The following ACER3 variants were observed in gnomAD, a reference collection of about 807,000 sequenced individuals.
ACER3 encodes alkCDase 3.
A neutral mutation model predicts 48.9 loss-of-function variants in ACER3; 16 were observed. The ratio of observed to expected loss-of-function variants is 0.33; its 90% CI spans 0.22 to 0.50. The LOEUF (loss-of-function observed/expected upper bound fraction) is 0.50, where lower values mean the gene tolerates loss of function less well. Ranked by LOEUF, ACER3 falls within the 20% of genes least tolerant of loss-of-function variation. The pLI is 0.98. For synonymous variants in ACER3, 109 were observed against 107.8 expected (o/e 1.01, Z -0.07); for missense variants, 227 against 326.0 (o/e 0.70, Z 2.34).
At chr11:77,007,218 T>C (rs1199736799) in intron 7 of ACER3, among the ~76,000 whole-genome samples, 1 of 152,180 alleles carries the variant, frequency 6.6e-6, no homozygotes, top group African/African-American at 2.4e-5. Flanking sequence ...GAGTTTTTTG[T>C]TTTTATTTTT....
At chr11:76,950,352 C>CAT (rs774580764) in intron 2 of ACER3, among the ~76,000 whole-genome samples, 1 of 36,060 alleles carries the variant, frequency 2.8e-5, no homozygotes, top group Non-Finnish European at 1.2e-4. Context: ...GTGACATGAT[C>CAT]ATATATATAT....
intron 8 of ACER3, 50 bp downstream of exon 8, chr11:77,015,167 A>G: frequency 9.7e-7 from 1 of 1,028,472 alleles, no homozygotes; most frequent in African/African-American, 1.6e-5. Context: ...GCATTTTATT[A>G]AGTAGAGAAT....
intron 2 of ACER3, among the ~76,000 whole-genome samples, chr11:76,958,361 A>G (rs1947898016): frequency 6.8e-6 from 1 of 148,014 alleles, no homozygotes; most frequent in African/African-American, 2.5e-5. Flanking sequence ...TAATTTTTGT[A>G]TTTTTAGTAG....
intron 2 of ACER3, among the ~76,000 whole-genome samples, chr11:76,936,042 A>G (rs1199010284): frequency 6.6e-6 from 1 of 152,212 alleles, no homozygotes. Context: ...CATGCTGCTG[A>G]TAAAGACATA....
At chr11:76,958,771 A>C in intron 2 of ACER3, 2 of 565,578 alleles carry the variant, frequency 3.5e-6, no homozygotes, top group Non-Finnish European at 6.3e-6. Context: ...AGTAGAGGGA[A>C]TTTAGGAGAA....
At chr11:77,008,607 C>A (rs181238869) in intron 7 of ACER3, among the ~76,000 whole-genome samples, 66 of 152,294 alleles carry the variant, frequency 4.3e-4, no homozygotes, top group East Asian at 2.1e-3. Context: ...ATAGTGCTTA[C>A]CCATAAATGT....
chr11:76,958,327 C>T (rs528341690), intron 2 of ACER3, among the ~76,000 whole-genome samples: 63 of 151,488 alleles, frequency 4.2e-4, no homozygotes, highest in Middle Eastern at 3.4e-3. Context: ...GCTGGTATTA[C>T]GGGGGCCTGC....
intron 3 of ACER3, among the ~76,000 whole-genome samples, chr11:76,970,224 C>T (rs763361592): frequency 3.3e-5 from 5 of 152,246 alleles, no homozygotes; most frequent in Non-Finnish European, 7.4e-5. Context: ...TTTCATGTTT[C>T]TCTGGGGTCC....
rs10676364 is a variant in ACER3, at chr11:76,875,107, C to CT, written c.103+14054dup. On this transcript the variant is annotated intron_variant, in intron 1 of 10. Coordinates refer to ENST00000532485, the MANE Select transcript of ACER3 (RefSeq NM_018367.7). ...TTCTAACATGGCATGAAAAGCACTT[C>CT]TTTTTTTTTTTTTTTTTTTTTTTTT... Among the ~76,000 whole-genome samples, 340 of 78,132 alleles carry CT rather than the reference C, an allele frequency of 4.4e-3. 44 individuals are homozygous for CT. The highest frequency in any genetic ancestry group is 7.0e-3 in the Admixed American group (36 of 5,128). The allele number at this position is 78,132 out of a possible 152,430, so 51.3% of individuals were successfully genotyped here. A position where few individuals can be genotyped will look rare whatever the true frequency, so the allele number is the denominator to read the frequency against.
Position 77,023,796 on chromosome 11 carries a change from G to C in ACER3, c.*3469G>C, listed in dbSNP as rs782210598. ...TCTAACTATTTAAAAATAATGGGCC[G>C]GGCGCGGTGGCTCATGCCTGTAATC... On this transcript the variant is annotated 3_prime_UTR_variant, in exon 11 of 11. Transcript: ENST00000532485. 7.9e-5 allele frequency: 12 copies of C among 152,062 alleles called. No individual in the cohort carries two copies. Among genetic ancestry groups the C allele is most frequent in the Non-Finnish European group, 1.5e-4 (10 of 68,082 alleles). 9.4% of individuals were successfully genotyped at this position (152,062 alleles called of 1,614,324 possible).
At chr11:76,861,183 A>C (rs546565529) in intron 1 of ACER3, 104 bp downstream of exon 1, 2 of 1,168,242 alleles carry the variant, frequency 1.7e-6, no homozygotes, top group East Asian at 6.2e-5. Flanking sequence ...GGGAGGTGCC[A>C]GGCCTGGCCC....
At chr11:76,915,539 A>G (rs12790535) in intron 1 of ACER3, among the ~76,000 whole-genome samples, 7,702 of 152,202 alleles carry the variant, frequency 0.051, 236 homozygotes, top group Middle Eastern at 0.12. Context: ...GAGAGAGGCA[A>G]TGCGATAATT....
intron 2 of ACER3, among the ~76,000 whole-genome samples, chr11:76,957,247 A>C (rs1036149355): frequency 1.6e-4 from 25 of 152,272 alleles, no homozygotes; most frequent in African/African-American, 6.0e-4. Flanking sequence ...AATAGGATGC[A>C]CTCAGTAAAT....
At chr11:76,943,318 G>C (rs1461785621) in intron 2 of ACER3, among the ~76,000 whole-genome samples, 1 of 151,828 alleles carries the variant, frequency 6.6e-6, no homozygotes, top group Non-Finnish European at 1.5e-5. Context: ...TTCCCTCTTA[G>C]CACTGCTTTT....
intron 3 of ACER3, among the ~76,000 whole-genome samples, chr11:76,965,945 T>C (rs1181904952): frequency 6.6e-6 from 1 of 151,200 alleles, no homozygotes; most frequent in Non-Finnish European, 1.5e-5. Context: ...CAGGATCAAA[T>C]TCACACATAA....
intron 2 of ACER3, among the ~76,000 whole-genome samples, chr11:76,934,699 G>C (rs1947126143): frequency 7.7e-6 from 1 of 129,540 alleles, no homozygotes; most frequent in South Asian, 2.1e-4. Flanking sequence ...GGGAGACCGT[G>C]GGGAGACGGG....
chr11:76,910,041 G>A (rs1946333121), intron 1 of ACER3, among the ~76,000 whole-genome samples: 2 of 144,558 alleles, frequency 1.4e-5, no homozygotes, highest in South Asian at 2.2e-4. Flanking sequence ...AACACCACAT[G>A]TTCTCACTCA....
chr11:76,903,795 T>G (rs1050787498), intron 1 of ACER3, among the ~76,000 whole-genome samples: 1 of 152,154 alleles, frequency 6.6e-6, no homozygotes, highest in Non-Finnish European at 1.5e-5. Flanking sequence ...AAGCCACCTC[T>G]TATGGGGAAA....
chr11:77,022,598 T>C lies in ACER3; in HGVS notation c.*2271T>C, dbSNP rs1014333318. ...TGGTGACCTATAGGATATTACTAAATTATTTCAATAGCTTTATTTTTTTCC... is the reference window on the plus strand; with the variant it reads ...TGGTGACCTATAGGATATTACTAAACTATTTCAATAGCTTTATTTTTTTCC... On this transcript the variant is annotated 3_prime_UTR_variant, in exon 11 of 11. Coordinates refer to ENST00000532485, the MANE Select transcript of ACER3 (RefSeq NM_018367.7). 1.3e-5 allele frequency: 2 copies of C among 152,248 alleles called. No individual in the cohort carries two copies. Among genetic ancestry groups the C allele is most frequent in the African/African-American group, 4.8e-5 (2 of 41,460 alleles). The allele number at this position is 152,248 out of a possible 1,614,324, so 9.4% of individuals were successfully genotyped here. A position where few individuals can be genotyped will look rare whatever the true frequency, so the allele number is the denominator to read the frequency against.
Sources: allele counts gnomAD v4.1 joint callset (sites outside exome capture counted in the v4.1 genomes callset), GRCh38; gene constraint gnomAD v4.1.1; transcripts MANE v1.5; gene names NCBI Gene and HGNC (gene_info 2026-07-23, HGNC 2026-07-21).